LRMDA: variants seen among roughly 807,000 people sequenced by gnomAD.
The protein encoded by LRMDA is leucine rich melanocyte differentiation associated.
LRMDA carries 18 observed loss-of-function variants against 29.8 expected under a neutral mutation model. That is an observed-to-expected ratio of 0.60 (90% CI 0.42 to 0.90). The LOEUF (loss-of-function observed/expected upper bound fraction) is 0.90, where lower values mean the gene tolerates loss of function less well. Among genes scored for constraint, LRMDA ranks in the 40% least tolerant of loss-of-function variants. The pLI is 0.00. For missense variants in LRMDA, 273 were observed against 273.9 expected, an observed-to-expected ratio of 1.00 and a Z score of 0.02; for synonymous variants, 125 against 109.4, an observed-to-expected ratio of 1.14 and a Z score of -0.89.
chr10:76,403,766 T>C (rs1421648350), intron 6 of LRMDA, among the ~76,000 whole-genome samples: 1 of 152,182 alleles, frequency 6.6e-6, no homozygotes, highest in Non-Finnish European at 1.5e-5. Context: ...GAACTCTCTC[T>C]GTGTGGCAAA....
chr10:75,726,596 G>A (rs1211142080), intron 2 of LRMDA, among the ~76,000 whole-genome samples: 1 of 152,188 alleles, frequency 6.6e-6, no homozygotes, highest in Non-Finnish European at 1.5e-5. Flanking sequence ...CCTACTGGGA[G>A]GGAAGCACTC....
chr10:76,171,542 A>G (rs1302996089), intron 5 of LRMDA, among the ~76,000 whole-genome samples: 2 of 152,188 alleles, frequency 1.3e-5, no homozygotes, highest in African/African-American at 4.8e-5. Context: ...GCTCATTAGC[A>G]TGGCAAGCCC....
At chr10:76,004,916 G>A (rs753982504) in intron 2 of LRMDA, among the ~76,000 whole-genome samples, 68 of 151,844 alleles carry the variant, frequency 4.5e-4, no homozygotes, top group Admixed American at 1.1e-3. Flanking sequence ...TTTAGTAGAG[G>A]CAGGGTTTCA....
At chr10:75,463,466 G>A (rs536964802) in intron 2 of LRMDA, among the ~76,000 whole-genome samples, 7 of 151,986 alleles carry the variant, frequency 4.6e-5, no homozygotes, top group Admixed American at 2.6e-4. Context: ...TTGGATGCTC[G>A]GGTGGGCTAC....
chr10:75,492,720 G>T (rs2132062016), intron 2 of LRMDA, among the ~76,000 whole-genome samples: 1 of 152,244 alleles, frequency 6.6e-6, no homozygotes, highest in East Asian at 1.9e-4. Flanking sequence ...TCTGTTCCCT[G>T]CCCATGGTGT....
At chr10:76,106,867 G>A (rs560526760) in intron 5 of LRMDA, among the ~76,000 whole-genome samples, 131 of 152,320 alleles carry the variant, frequency 8.6e-4, no homozygotes, top group African/African-American at 3.0e-3. Context: ...TCCCAGTGGT[G>A]CTAGCAATAG....
In LRMDA at chr10:76,145,396, A is replaced by C. The variant is rs183469093; in HGVS notation, c.516+86613A>C. On this transcript the variant is annotated intron_variant, in intron 5 of 6. Coordinates refer to ENST00000611255, the MANE Select transcript of LRMDA (RefSeq NM_001305581.2). The stretch of plus-strand genomic sequence containing the variant: ...TGTTTTTGGTCTATTAAGAGATTCA[A>C]CTTCTTTCTGGTTTAGTCTTGGGAG... Among the ~76,000 whole-genome samples, 3 of 151,466 alleles carry C rather than the reference A, an allele frequency of 2.0e-5. No homozygotes were observed. In the East Asian group the frequency reaches 5.8e-4, roughly 29 times the overall value.
intron 2 of LRMDA, among the ~76,000 whole-genome samples, chr10:75,632,582 C>T (rs771214145): frequency 7.2e-5 from 11 of 151,920 alleles, no homozygotes; most frequent in Non-Finnish European, 1.5e-4. Flanking sequence ...CTCTCAGACT[C>T]TCACCTGAGT....
At chr10:75,896,483 C>G (rs1480122327) in intron 2 of LRMDA, among the ~76,000 whole-genome samples, 1 of 152,026 alleles carries the variant, frequency 6.6e-6, no homozygotes, top group Non-Finnish European at 1.5e-5. Flanking sequence ...ACATTTAGAC[C>G]TCTTGTTGTC....
chr10:75,556,584 C>T (rs1221158804), intron 2 of LRMDA, among the ~76,000 whole-genome samples: 1 of 152,130 alleles, frequency 6.6e-6, no homozygotes, highest in Non-Finnish European at 1.5e-5. Flanking sequence ...TGTGAGTAAA[C>T]AACAACAAAA....
intron 2 of LRMDA, among the ~76,000 whole-genome samples, chr10:75,967,297 A>G (rs562455450): frequency 2.4e-4 from 36 of 152,302 alleles, no homozygotes; most frequent in African/African-American, 8.2e-4. Context: ...TGTAGCTTTG[A>G]ATTTAATTGA....
Position 76,423,784 on chromosome 10 carries a change from T to C in LRMDA, c.601+99299T>C, listed in dbSNP as rs551845425. On this transcript the variant is annotated intron_variant, in intron 6 of 6. Coordinates refer to ENST00000611255, the MANE Select transcript of LRMDA (RefSeq NM_001305581.2). ...CCCATTGCCCATGTGTCTATTTTTG[T>C]TAAACGGTGGACCCTAATCAACCGA... 2.0e-5 allele frequency among the ~76,000 whole-genome samples: 3 copies of C among 152,296 alleles called. No homozygotes were observed. In the South Asian group the frequency reaches 6.2e-4, roughly 32 times the overall value.
intron 5 of LRMDA, among the ~76,000 whole-genome samples, chr10:76,221,754 A>G (rs1851843297): frequency 6.6e-6 from 1 of 152,172 alleles, no homozygotes; most frequent in South Asian, 2.1e-4. Context: ...TCTTCACAGA[A>G]TTGGAAAAAA....
intron 6 of LRMDA, among the ~76,000 whole-genome samples, chr10:76,518,580 CTA>C (rs1399947056): frequency 2.0e-5 from 3 of 151,986 alleles, no homozygotes; most frequent in African/African-American, 7.2e-5. Context: ...TGCAACTAAA[CTA>C]TGAAATAATG....
chr10:75,438,487 C>G lies in LRMDA; in HGVS notation c.124C>G (p.Leu42Val). The G allele has an allele frequency of 6.4e-7, 1 of 1,550,516 alleles. No homozygotes were observed. The highest frequency in any genetic ancestry group is 8.7e-7 in the Non-Finnish European group (1 of 1,146,852). Residue 42 changes from leucine to valine, a missense_variant, in exon 2 of 7, where the codon CTT (leucine) becomes GTT (valine). Physicochemically the swap from Leu to Val is conservative, Grantham distance 32. Coordinates refer to ENST00000611255, the MANE Select transcript of LRMDA (RefSeq NM_001305581.2). The stretch of plus-strand genomic sequence containing the variant: ...AAAGAGGCTTGATCTGAGCTTTAAC[C>G]TTCTGAGGTATGTAACCTTCACAAG... ...FAKRLDLSFN[L>V]LRSLEGLSAF...
At chr10:76,034,039 C>G (rs1848197362) in intron 2 of LRMDA, among the ~76,000 whole-genome samples, 1 of 152,094 alleles carries the variant, frequency 6.6e-6, no homozygotes, top group African/African-American at 2.4e-5. Context: ...TTATTCTCGA[C>G]AAGATCCTAT....
intron 3 of LRMDA, 23 bp downstream of exon 3, chr10:76,036,157 C>T (rs1415050245): frequency 1.2e-6 from 2 of 1,603,338 alleles, no homozygotes; most frequent in South Asian, 2.2e-5. Context: ...CTGCCCGCTG[C>T]CCCCACTCCC....
chr10:76,278,375 C>T (rs2132330608), intron 5 of LRMDA, among the ~76,000 whole-genome samples: 4 of 152,250 alleles, frequency 2.6e-5, no homozygotes, highest in Admixed American at 2.6e-4. Flanking sequence ...GAGATAATGA[C>T]TGTGAAAGTG....
intron 2 of LRMDA, among the ~76,000 whole-genome samples, chr10:75,461,515 G>A (rs554106237): frequency 1.3e-5 from 2 of 152,092 alleles, no homozygotes; most frequent in Non-Finnish European, 2.9e-5. Flanking sequence ...AGGTACTTTG[G>A]GGGTAGCCTG....
Sources: gnomAD v4.1 joint callset for allele counts (sites outside exome capture counted in the v4.1 genomes callset) on GRCh38, gnomAD v4.1.1 for gene constraint, MANE v1.5 for transcripts, NCBI Gene and HGNC (gene_info 2026-07-23, HGNC 2026-07-21) for gene names.